Variants in EGFL7 observed in about 807,000 individuals in gnomAD.
The protein encoded by EGFL7 is EGF like domain multiple 7.
A neutral mutation model predicts 37.1 loss-of-function variants in EGFL7; 48 were observed. That is an observed-to-expected ratio of 1.29 (90% confidence interval 1.03 to 1.65). The LOEUF (loss-of-function observed/expected upper bound fraction) is 1.65, where lower values mean the gene tolerates loss of function less well. Among genes scored for constraint, EGFL7 ranks in the 40% most tolerant of loss-of-function variants. EGFL7 has a pLI of 0.00. For synonymous variants in EGFL7, 180 were observed against 156.8 expected (o/e 1.15, Z -1.10); for missense variants, 384 against 378.9 (o/e 1.01, Z -0.11).
At position 136,671,027 on chromosome 9, in the gene EGFL7, TG is replaced by T. The variant is rs57311093; in HGVS notation, c.636+28del. The T allele has an allele frequency of 0.37, 245,286 of 656,940 alleles. 62,460 individuals carry two copies. The highest frequency in any genetic ancestry group is 0.43 in the Admixed American group (13,981 of 32,754). 40.7% of individuals were successfully genotyped at this position (656,940 alleles called of 1,614,324 possible). On this transcript the variant is annotated intron_variant, in intron 9 of 10. Coordinates refer to ENST00000308874, the MANE Select transcript of EGFL7 (RefSeq NM_016215.5). ...CCTGCTGGAGGAGGTGAGGCATTGG[TG>T]GGGGGGGGGGGGGGCAGGCAGTCCA...
intron 8 of EGFL7, 26 bp from the exon 9 acceptor site, chr9:136,670,924 G>A: frequency 6.4e-7 from 1 of 1,551,694 alleles, no homozygotes; most frequent in Non-Finnish European, 8.7e-7. Flanking sequence ...GGCCGGCCGT[G>A]ACCCAGCGCC....
At position 136,672,379 on chromosome 9, in the gene EGFL7, G is replaced by A. The variant is rs780366106; in HGVS notation, c.*93G>A. 111 of 1,535,124 alleles carry A rather than the reference G, an allele frequency of 7.2e-5. No homozygotes were observed. In the Admixed American group the frequency reaches 1.2e-3, roughly 16 times the overall value. On this transcript the variant is annotated 3_prime_UTR_variant, in exon 11 of 11. Coordinates refer to ENST00000308874, the MANE Select transcript of EGFL7 (RefSeq NM_016215.5). ...ATGCTGGGGGTCCAGAAACCACCTC[G>A]GGGTGACTGAGCGGAAGGCCAGGCA...
chr9:136,672,531 C>T lies in EGFL7; in HGVS notation c.*245C>T, dbSNP rs1325195090. 2 of 600,760 alleles carry T rather than the reference C, an allele frequency of 3.3e-6. No homozygotes were observed. Among genetic ancestry groups the T allele is most frequent in the Non-Finnish European group, 5.9e-6 (2 of 338,582 alleles). The allele number at this position is 600,760 out of a possible 1,614,324, so 37.2% of individuals were successfully genotyped here. ...CACCCTGGCTACCCCAACGGCATCC[C>T]AAGGCCAGGTGGGCCCTCAGCTGAG... is the stretch of plus-strand genomic sequence containing the variant. On this transcript the variant is annotated 3_prime_UTR_variant, in exon 11 of 11. Coordinates refer to ENST00000308874, the MANE Select transcript of EGFL7 (RefSeq NM_016215.5).
chr9:136,668,017 C>A (rs369043523), intron 3 of EGFL7, among the ~76,000 whole-genome samples: 1 of 152,202 alleles, frequency 6.6e-6, no homozygotes, highest in South Asian at 2.1e-4. Flanking sequence ...CGTCACCCCC[C>A]CTGTGCCCCC....
chr9:136,663,905 C>A (rs1412068075), intron 2 of EGFL7, among the ~76,000 whole-genome samples: 1 of 152,234 alleles, frequency 6.6e-6, no homozygotes, highest in African/African-American at 2.4e-5. Context: ...TGAGTCGGGG[C>A]AGCCCTGGAG....
intron 10 of EGFL7, 78 bp downstream of exon 10, chr9:136,672,166 G>T: frequency 6.3e-6 from 10 of 1,594,552 alleles, no homozygotes. Flanking sequence ...AGGCTTGGGG[G>T]TCGGGGGCGA....
upstream of EGFL7, among the ~76,000 whole-genome samples, chr9:136,661,803 G>T (rs546187796): frequency 2.0e-5 from 3 of 152,320 alleles, no homozygotes; most frequent in South Asian, 6.2e-4. Context: ...AAGTTGCCCA[G>T]CTGAGTGGGG....
upstream of EGFL7, among the ~76,000 whole-genome samples, chr9:136,661,474 A>T (rs1845142673): frequency 1.3e-5 from 2 of 152,142 alleles, no homozygotes; most frequent in Admixed American, 6.5e-5. Flanking sequence ...CTCCAACCTC[A>T]GGGCAGGGGC....
intron 4 of EGFL7, 81 bp from the exon 5 acceptor site, chr9:136,668,464 CTCCTGCTGAGGG>C (rs1419866375): frequency 6.4e-5 from 97 of 1,523,906 alleles, no homozygotes; most frequent in Non-Finnish European, 1.5e-5. Context: ...TCCCTGGGGG[CTCCTGCTGAGGG>C]TCCTGCCCCG....
upstream of EGFL7, among the ~76,000 whole-genome samples, chr9:136,659,861 G>C (rs1211435890): frequency 6.6e-6 from 1 of 152,218 alleles, no homozygotes; most frequent in East Asian, 1.9e-4. Context: ...GCCCAGATGA[G>C]GACAGGCGCA....
At chr9:136,665,333 C>T (rs941230992) in intron 3 of EGFL7, among the ~76,000 whole-genome samples, 4 of 152,262 alleles carry the variant, frequency 2.6e-5, no homozygotes, top group Admixed American at 1.3e-4. Flanking sequence ...GGCTGCAGGA[C>T]CCAGCTCAGT....
upstream of EGFL7, among the ~76,000 whole-genome samples, chr9:136,662,275 C>T (rs1845194645): frequency 6.6e-6 from 1 of 152,188 alleles, no homozygotes; most frequent in South Asian, 2.1e-4. Flanking sequence ...ACTGGCAGCT[C>T]TTTTAGGGGA....
intron 3 of EGFL7, chr9:136,665,651 G>A (rs1223033766): frequency 1.3e-5 from 2 of 151,366 alleles, no homozygotes; most frequent in African/African-American, 4.8e-5. Context: ...CCCGCCCGGG[G>A]GCAGCTCGTC....
Position 136,671,936 on chromosome 9 carries a change from T to C in EGFL7, c.647T>C (p.Leu216Pro). Reference sequence around the variant, plus strand: ...CTTCTGCACCCACAGAAGCTGCAGCTGGTGCTGGCCCCACTGCACAGCCTG... The same window carrying C: ...CTTCTGCACCCACAGAAGCTGCAGCCGGTGCTGGCCCCACTGCACAGCCTG... ...RVDLLEEKLQLVLAPLHSLAS... is the reference protein window; with the variant it reads ...RVDLLEEKLQPVLAPLHSLAS... Residue 216 changes from leucine (L) to proline (P), a missense_variant, in exon 10 of 11, where the codon CTG (leucine) becomes CCG (proline). Coordinates refer to ENST00000308874, the MANE Select transcript of EGFL7 (RefSeq NM_016215.5). 6.6e-7 allele frequency: 1 copy of C among 1,510,728 alleles called. No homozygotes were observed. Among genetic ancestry groups the C allele is most frequent in the African/African-American group, 1.4e-5 (1 of 72,264 alleles). The allele number at this position is 1,510,728 out of a possible 1,614,324, so 93.6% of individuals were successfully genotyped here.
chr9:136,669,576 C>A, intron 5 of EGFL7, 30 bp from the exon 6 acceptor site: 1 of 1,533,016 alleles, frequency 6.5e-7, no homozygotes. Flanking sequence ...GAGTAGGATG[C>A]CCCTCTGAGC....
At chr9:136,667,118 T>G (rs946718092) in intron 3 of EGFL7, among the ~76,000 whole-genome samples, 1 of 152,124 alleles carries the variant, frequency 6.6e-6, no homozygotes, top group Non-Finnish European at 1.5e-5. Context: ...CCACACCCAG[T>G]GGGGCTGGCC....
intron 3 of EGFL7, among the ~76,000 whole-genome samples, chr9:136,665,571 G>A (rs1280742518): frequency 6.6e-6 from 1 of 152,144 alleles, no homozygotes; most frequent in Non-Finnish European, 1.5e-5. Flanking sequence ...CAGGATTCCC[G>A]GAGGGGGTGC....
Position 136,670,328 on chromosome 9 carries a change from C to A in EGFL7, c.569C>A (p.Thr190Lys), listed in dbSNP as rs1295916428. 3.8e-6 allele frequency: 6 copies of A among 1,565,904 alleles called. No individual in the cohort carries two copies. The highest frequency in any genetic ancestry group is 5.2e-6 in the Non-Finnish European group (6 of 1,152,946). Residue 190 changes from threonine to lysine, a missense_variant and splice_region_variant, in exon 8 of 11, where the codon ACA becomes AAA. By Grantham distance (78) the Thr-to-Lys change is moderately conservative (BLOSUM62 -1). Transcript: ENST00000308874. ...GGPPRVAPNP[T>K]GVDSAMKEEV... is the part of the protein sequence containing the mutation. ...CCCCCCAGGGTGGCCCCCAACCCGACAGGTAAACAGCCCTGGCTGTGCCTG... is the reference window on the plus strand; with the variant it reads ...CCCCCCAGGGTGGCCCCCAACCCGAAAGGTAAACAGCCCTGGCTGTGCCTG...
At chr9:136,667,675 G>T (rs1451219096) in intron 3 of EGFL7, among the ~76,000 whole-genome samples, 1 of 152,192 alleles carries the variant, frequency 6.6e-6, no homozygotes, top group Non-Finnish European at 1.5e-5. Context: ...CCCCTCTGGT[G>T]GTCTTAGAAT....
Sources: allele counts gnomAD v4.1 joint callset (sites outside exome capture counted in the v4.1 genomes callset), GRCh38; gene constraint gnomAD v4.1.1; transcripts MANE v1.5; gene names NCBI Gene and HGNC (gene_info 2026-07-23, HGNC 2026-07-21).